Variants in LRRC75B observed in about 807,000 individuals in gnomAD.
LRRC75B encodes the protein leucine rich repeat containing 75B, also known as leucine-rich repeat-containing protein 75B.
Under a neutral mutation model 16.5 loss-of-function variants are expected in LRRC75B, and 20 were observed. The ratio of observed to expected loss-of-function variants is 1.21; its 90% confidence interval spans 0.85 to 1.76. The LOEUF (loss-of-function observed/expected upper bound fraction) is 1.76. LRRC75B is among the 40% of genes most tolerant of loss of function. LRRC75B has a pLI of 0.00. For synonymous variants in LRRC75B, 199 were observed against 198.1 expected (o/e 1.00, Z -0.04); for missense variants, 406 against 417.0 (o/e 0.97, Z 0.23).
At chr22:24,588,054 C>T (rs1031083427) in intron 3 of LRRC75B, among the ~76,000 whole-genome samples, 160 bp downstream of exon 3, 2 of 152,124 alleles carry the variant, frequency 1.3e-5, no homozygotes, top group African/African-American at 2.4e-5. Flanking sequence ...TCTGCTACCA[C>T]GGGCCAGGCT....
chr22:24,592,945 AC>A lies in LRRC75B; in HGVS notation c.94del (p.Val32CysfsTer60). 1 of 1,225,216 alleles carries A rather than the reference AC, an allele frequency of 8.2e-7. No individual in the cohort carries two copies. The allele number at this position is 1,225,216 out of a possible 1,614,324, so 75.9% of individuals were successfully genotyped here. A position where few individuals can be genotyped will look rare whatever the true frequency, so the allele number is the denominator to read the frequency against. On this transcript the variant is annotated frameshift_variant, in exon 1 of 4. Coordinates refer to ENST00000318753, the MANE Select transcript of LRRC75B (RefSeq NM_207644.3). LOFTEE classifies it high-confidence loss of function. ...GCGPAPYERR[V>X]RWLREIQSTL... ...GGACTGGATCTCGCGGAGCCACCGCACCCGGCGCTCGTAGGGCGCGGGCCCG... is the reference window on the plus strand; with the variant it reads ...GGACTGGATCTCGCGGAGCCACCGCACCGGCGCTCGTAGGGCGCGGGCCCG...
chr22:24,590,444 G>C (rs896622252), intron 1 of LRRC75B, among the ~76,000 whole-genome samples: 1 of 152,160 alleles, frequency 6.6e-6, no homozygotes, highest in Admixed American at 6.5e-5. Context: ...GTAGAGGGGA[G>C]GGACATGGGA....
Position 24,593,065 on chromosome 22 carries a change from C to G in LRRC75B, c.-26G>C. On this transcript the variant is annotated 5_prime_UTR_variant, in exon 1 of 4. Transcript: ENST00000318753. Reference sequence around the variant, plus strand: ...GGCCGCCGCGCGATGGTCGCCGAACCCACAGGAGGCCGGGCTGTCTGCGCC... The same window carrying G: ...GGCCGCCGCGCGATGGTCGCCGAACGCACAGGAGGCCGGGCTGTCTGCGCC... The G allele has an allele frequency of 3.9e-6, 4 of 1,037,484 alleles. No individual in the cohort carries two copies. The highest frequency in any genetic ancestry group is 4.6e-6 in the Non-Finnish European group (4 of 864,734). 64.3% of individuals were successfully genotyped at this position (1,037,484 alleles called of 1,614,324 possible).
chr22:24,591,133 G>A (rs928946813), intron 1 of LRRC75B, among the ~76,000 whole-genome samples: 15 of 152,250 alleles, frequency 9.9e-5, no homozygotes, highest in African/African-American at 3.6e-4. Flanking sequence ...GGGCTGGGGC[G>A]CAGTGGTGCG....
At chr22:24,590,202 A>T (rs1186399278) in intron 1 of LRRC75B, among the ~76,000 whole-genome samples, 1 of 152,066 alleles carries the variant, frequency 6.6e-6, no homozygotes, top group Non-Finnish European at 1.5e-5. Flanking sequence ...GCGTGATCTC[A>T]GTTCAGTGTA....
Position 24,589,810 on chromosome 22 carries a change from G to T in LRRC75B, c.306+11C>A, listed in dbSNP as rs372819810. 7 of 1,609,082 alleles carry T rather than the reference G, an allele frequency of 4.4e-6. No individual in the cohort carries two copies. In the South Asian group the frequency reaches 6.7e-5, roughly 15 times the overall value. ...AGTGCCCAGCCCAGGGCCCGTGCCT[G>T]CCAGCCTCACCTTCTTGGGGCACTG... On this transcript the variant is annotated intron_variant, in intron 2 of 3. Coordinates refer to ENST00000318753, the MANE Select transcript of LRRC75B (RefSeq NM_207644.3).
chr22:24,586,360 G>A lies in LRRC75B; in HGVS notation c.474C>T (p.Leu158=), dbSNP rs759339445. The A allele has an allele frequency of 4.3e-6, 7 of 1,613,774 alleles. No individual in the cohort carries two copies. The African/African-American group carries it at 8.0e-5, about 18-fold the overall frequency. Residue 158 remains leucine, a synonymous_variant, in exon 4 of 4, where the codon CTC becomes CTT. Transcript: ENST00000318753. The stretch of plus-strand genomic sequence containing the variant: ...CCTGTGTCGACAGCGGGATGCCTGA[G>A]AGGTCCACAGTCTCCCCTGCCAGCA... The part of the protein sequence containing the change: ...KTLLAGETVD[L]SGIPLSTQDV...
chr22:24,589,502 G>T (rs73402987), intron 2 of LRRC75B: 3 of 519,360 alleles, frequency 5.8e-6, no homozygotes, highest in South Asian at 7.2e-5. Context: ...TCTGTGACCC[G>T]CAGGGTCCCC....
At chr22:24,591,344 G>T (rs1353125411) in intron 1 of LRRC75B, among the ~76,000 whole-genome samples, 1 of 152,240 alleles carries the variant, frequency 6.6e-6, no homozygotes, top group Non-Finnish European at 1.5e-5. Flanking sequence ...CTCCCAAAGT[G>T]CTGGGATTAT....
intron 3 of LRRC75B, 92 bp downstream of exon 3, chr22:24,588,122 C>G: frequency 9.8e-7 from 1 of 1,023,516 alleles, no homozygotes; most frequent in South Asian, 1.4e-5. Context: ...GGTGGGATTT[C>G]AGCACCAGCC....
In LRRC75B at chr22:24,585,871, C is replaced by CAGCAATG; in HGVS notation, c.*14_*15insCATTGCT. Reference sequence around the variant, plus strand: ...GCATCACAAGTCAGTAGCAATGAGCCAGGTGGGTGGTGGGTCACCTGGCAC... The same window carrying CAGCAATG: ...GCATCACAAGTCAGTAGCAATGAGCCAGCAATGAGGTGGGTGGTGGGTCACCTGGCAC... On this transcript the variant is annotated 3_prime_UTR_variant, in exon 4 of 4. Coordinates refer to ENST00000318753, the MANE Select transcript of LRRC75B (RefSeq NM_207644.3). 6.4e-7 allele frequency: 1 copy of CAGCAATG among 1,561,608 alleles called. No individual in the cohort carries two copies. Among genetic ancestry groups the CAGCAATG allele is most frequent in the Non-Finnish European group, 8.7e-7 (1 of 1,155,628 alleles).
chr22:24,585,813 T>C lies in LRRC75B; in HGVS notation c.*73A>G, dbSNP rs1353816682. On this transcript the variant is annotated 3_prime_UTR_variant, in exon 4 of 4. Transcript: ENST00000318753. Reference sequence around the variant, plus strand: ...TTTCTGGGGGCCTGTGAGTCCTCCTTGACCTTCATCGCCCACTATCATGTG... The same window carrying C: ...TTTCTGGGGGCCTGTGAGTCCTCCTCGACCTTCATCGCCCACTATCATGTG... 7.2e-7 allele frequency: 1 copy of C among 1,397,752 alleles called. No individual in the cohort carries two copies. Among genetic ancestry groups the C allele is most frequent in the East Asian group, 2.5e-5 (1 of 39,980 alleles). 86.6% of individuals were successfully genotyped at this position (1,397,752 alleles called of 1,614,324 possible).
intron 3 of LRRC75B, among the ~76,000 whole-genome samples, chr22:24,586,721 G>T (rs1352065154): frequency 6.6e-6 from 1 of 152,204 alleles, no homozygotes; most frequent in East Asian, 1.9e-4. Flanking sequence ...AGTAGAGGCG[G>T]GGTTTCTCCA....
In LRRC75B at chr22:24,589,968, G is replaced by T; in HGVS notation, c.178-19C>A. ...CCAGGTCCTGTGAGTGGTGAAGAGA[G>T]AGTTGAGTGAGCCCGTTGGGTCTCC... On this transcript the variant is annotated intron_variant, in intron 1 of 3. Coordinates refer to ENST00000318753, the MANE Select transcript of LRRC75B (RefSeq NM_207644.3). 6.4e-7 allele frequency: 1 copy of T among 1,564,898 alleles called. No individual in the cohort carries two copies. Among genetic ancestry groups the T allele is most frequent in the South Asian group, 1.2e-5 (1 of 84,522 alleles).
chr22:24,588,650 C>T (rs2045475558), intron 2 of LRRC75B: 1 of 1,141,666 alleles, frequency 8.8e-7, no homozygotes, highest in Non-Finnish European at 1.1e-6. Flanking sequence ...CGGCTGCCTG[C>T]CCACCCTCAG....
intron 1 of LRRC75B, among the ~76,000 whole-genome samples, chr22:24,592,008 G>A (rs958274635): frequency 2.0e-5 from 3 of 152,210 alleles, no homozygotes; most frequent in African/African-American, 2.4e-5. Flanking sequence ...TGACCACTTC[G>A]CTCCATGCCT....
At chr22:24,588,413 A>G (rs2045464366) in intron 2 of LRRC75B, 84 bp from the exon 3 acceptor site, 3 of 1,079,736 alleles carry the variant, frequency 2.8e-6, no homozygotes, top group Non-Finnish European at 2.8e-6. Flanking sequence ...CAGGCAGCCA[A>G]GTGTGTGTGT....
At chr22:24,591,105 G>A (rs2045554691) in intron 1 of LRRC75B, among the ~76,000 whole-genome samples, 1 of 152,226 alleles carries the variant, frequency 6.6e-6, no homozygotes, top group Admixed American at 6.5e-5. Context: ...TTGAGACGGA[G>A]TTTTGCTCTT....
intron 1 of LRRC75B, chr22:24,592,230 G>A (rs1345893283): frequency 6.6e-6 from 3 of 455,740 alleles, no homozygotes; most frequent in East Asian, 1.4e-4. Context: ...GTGTGTGTAG[G>A]AGCAGAGCCA....
Sources: allele counts gnomAD v4.1 joint callset (sites outside exome capture counted in the v4.1 genomes callset), GRCh38; gene constraint gnomAD v4.1.1; transcripts MANE v1.5; gene names NCBI Gene and HGNC (gene_info 2026-07-23, HGNC 2026-07-21).